Variants in OTUD7A observed in about 807,000 individuals in gnomAD.
OTUD7A encodes OTU deubiquitinase 7A.
Under a neutral mutation model 65.7 loss-of-function variants are expected in OTUD7A, and 12 were observed. The ratio of observed to expected loss-of-function variants is 0.18; its 90% CI spans 0.12 to 0.30. OTUD7A has a LOEUF of 0.30. Among genes scored for constraint, OTUD7A ranks in the 10% least tolerant of loss-of-function variants. OTUD7A has a pLI of 1.00. For missense variants in OTUD7A, 1,148 were observed against 1,304.8 expected (o/e 0.88, Z 1.85); for synonymous variants, 641 against 586.3 (o/e 1.09, Z -1.35).
intron 1 of OTUD7A, among the ~76,000 whole-genome samples, chr15:31,768,715 A>G (rs1281430082): frequency 6.6e-6 from 1 of 152,152 alleles, no homozygotes; most frequent in Non-Finnish European, 1.5e-5. Flanking sequence ...GATGTAATAC[A>G]TAAGACACCT....
chr15:31,644,421 T>C lies in OTUD7A; in HGVS notation c.151+10675A>G, dbSNP rs527651220. 2.0e-3 allele frequency among the ~76,000 whole-genome samples: 311 copies of C among 152,120 alleles called. 1 individual carries two copies. Among genetic ancestry groups the C allele is most frequent in the African/African-American group, 7.1e-3 (296 of 41,524 alleles). On this transcript the variant is annotated intron_variant, in intron 3 of 12. Transcript: ENST00000307050. ...AGGCAATGAGGCCATTTCACTGTGA[T>C]CCTTGTGGATCTTGCTTCTTGCTTT... is the stretch of plus-strand genomic sequence containing the variant.
intron 1 of OTUD7A, among the ~76,000 whole-genome samples, chr15:31,860,624 T>TAA (rs1336445273): frequency 0.16 from 3,812 of 23,408 alleles, 484 homozygotes; most frequent in Non-Finnish European, 0.28. Flanking sequence ...GAAGTGGAGA[T>TAA]ATATATATAT....
chr15:31,589,303 G>T (rs1354768252), intron 3 of OTUD7A, among the ~76,000 whole-genome samples: 4 of 141,290 alleles, frequency 2.8e-5, no homozygotes, highest in South Asian at 2.3e-4. Context: ...GTTTTTCTGG[G>T]TTTTTTTTTT....
At chr15:31,578,291 C>T (rs1376623265) in intron 3 of OTUD7A, among the ~76,000 whole-genome samples, 1 of 152,110 alleles carries the variant, frequency 6.6e-6, no homozygotes, top group Non-Finnish European at 1.5e-5. Context: ...ATTTAACATC[C>T]ACATTTAACA....
At chr15:31,530,130 C>G (rs889275773) in intron 6 of OTUD7A, among the ~76,000 whole-genome samples, 1 of 152,182 alleles carries the variant, frequency 6.6e-6, no homozygotes, top group African/African-American at 2.4e-5. Flanking sequence ...TCTGACTATG[C>G]TGACTCCCCT....
intron 3 of OTUD7A, among the ~76,000 whole-genome samples, chr15:31,601,260 C>T (rs1255329618): frequency 2.0e-5 from 3 of 152,182 alleles, no homozygotes; most frequent in Non-Finnish European, 4.4e-5. Flanking sequence ...AACAAACAGT[C>T]TCTCATACTA....
chr15:31,785,217 T>C (rs1440599516), intron 1 of OTUD7A, among the ~76,000 whole-genome samples: 1 of 152,168 alleles, frequency 6.6e-6, no homozygotes, highest in East Asian at 1.9e-4. Context: ...CTTTCATGCA[T>C]CTAAACCCTG....
chr15:31,713,339 C>A (rs996007613), intron 1 of OTUD7A, among the ~76,000 whole-genome samples: 40 of 152,296 alleles, frequency 2.6e-4, no homozygotes, highest in Non-Finnish European at 1.5e-5. Flanking sequence ...GTAAAGTACG[C>A]TGGGCACGGT....
chr15:31,687,427 C>T (rs939141751), intron 1 of OTUD7A, among the ~76,000 whole-genome samples: 1 of 152,226 alleles, frequency 6.6e-6, no homozygotes, highest in African/African-American at 2.4e-5. Context: ...ATAAAAGCAG[C>T]ATCCAGTGGC....
intron 3 of OTUD7A, among the ~76,000 whole-genome samples, chr15:31,634,436 C>T (rs1373456173): frequency 1.3e-5 from 2 of 152,242 alleles, no homozygotes; most frequent in Non-Finnish European, 2.9e-5. Flanking sequence ...CCTGGACCTA[C>T]TCCCTGCCTT....
At chr15:31,725,679 C>T (rs1420048164) in intron 1 of OTUD7A, among the ~76,000 whole-genome samples, 2 of 152,224 alleles carry the variant, frequency 1.3e-5, no homozygotes, top group South Asian at 2.1e-4. Flanking sequence ...CAAAGCTACA[C>T]GTGGCTCTGT....
rs398026753 is a variant in OTUD7A, at chr15:31,564,387, G to GTTTTTTTTTTTTTTTTTTTTTTTTTTTT, written c.332-5201_332-5200insAAAAAAAAAAAAAAAAAAAAAAAAAAAA. 5.4e-3 allele frequency among the ~76,000 whole-genome samples: 641 copies of GTTTTTTTTTTTTTTTTTTTTTTTTTTTT among 119,708 alleles called. 56 individuals carry two copies. The highest frequency in any genetic ancestry group is 7.6e-3 in the Non-Finnish European group (408 of 53,578). 78.5% of individuals were successfully genotyped at this position (119,708 alleles called of 152,430 possible). On this transcript the variant is annotated intron_variant, in intron 4 of 12. Transcript: ENST00000307050. ...TTTTTGGAAGTAGTCTTTGAGGAAG[G>GTTTTTTTTTTTTTTTTTTTTTTTTTTTT]TTTTTTTTTTTTTAGCAAAAGAGAA...
intron 1 of OTUD7A, among the ~76,000 whole-genome samples, chr15:31,746,344 CA>C (rs1422348313): frequency 2.6e-5 from 4 of 152,170 alleles, no homozygotes; most frequent in Middle Eastern, 3.4e-3. Flanking sequence ...TATGTACATA[CA>C]CACACCACAT....
chr15:31,696,261 T>A (rs1327420476), intron 1 of OTUD7A, among the ~76,000 whole-genome samples: 1 of 136,888 alleles, frequency 7.3e-6, no homozygotes, highest in Non-Finnish European at 1.6e-5. Context: ...CAGCAAGGGC[T>A]CAGGCCAGAA....
At chr15:31,551,265 C>T (rs1263867813) in intron 5 of OTUD7A, among the ~76,000 whole-genome samples, 4 of 152,084 alleles carry the variant, frequency 2.6e-5, no homozygotes, top group Non-Finnish European at 5.9e-5. Context: ...ATGTGGTGCC[C>T]GAGATAAAGG....
At chr15:31,808,134 C>CAAAA (rs1398118771) in intron 1 of OTUD7A, among the ~76,000 whole-genome samples, 19 of 95,806 alleles carry the variant, frequency 2.0e-4, no homozygotes, top group Admixed American at 9.0e-4. Context: ...CACACACACA[C>CAAAA]ACAAACAAAT....
intron 1 of OTUD7A, among the ~76,000 whole-genome samples, chr15:31,846,874 T>C (rs1297897733): frequency 6.6e-6 from 1 of 152,258 alleles, no homozygotes; most frequent in Non-Finnish European, 1.5e-5. Flanking sequence ...CTTGCTACTT[T>C]CACGAGTTTA....
intron 1 of OTUD7A, among the ~76,000 whole-genome samples, chr15:31,796,230 ATCT>A (rs1440461042): frequency 2.5e-5 from 3 of 118,726 alleles, no homozygotes; most frequent in Non-Finnish European, 5.7e-5. Flanking sequence ...CTATCTATCT[ATCT>A]ATCATCTATC....
chr15:31,694,307 C>T (rs1165298706), intron 1 of OTUD7A, among the ~76,000 whole-genome samples: 1 of 152,174 alleles, frequency 6.6e-6, no homozygotes, highest in Non-Finnish European at 1.5e-5. Context: ...CTCTCCTTGT[C>T]CCCCACTCCT....
Sources: gnomAD v4.1 joint callset for allele counts (sites outside exome capture counted in the v4.1 genomes callset) on GRCh38, gnomAD v4.1.1 for gene constraint, MANE v1.5 for transcripts, NCBI Gene and HGNC (gene_info 2026-07-23, HGNC 2026-07-21) for gene names.